PTPRN2: variants seen among roughly 807,000 people sequenced by gnomAD.
PTPRN2 encodes protein tyrosine phosphatase receptor type N2.
In PTPRN2, 74 loss-of-function variants were observed where a neutral mutation model predicts 118.8. The ratio of observed to expected loss-of-function variants is 0.62; its 90% confidence interval spans 0.52 to 0.76. The LOEUF (loss-of-function observed/expected upper bound fraction) is 0.76, where lower values mean the gene tolerates loss of function less well. Ranked by LOEUF, PTPRN2 falls within the 30% of genes least tolerant of loss-of-function variation. The probability of loss-of-function intolerance (pLI) is 0.00; values close to 1 mark genes in which losing one functional copy is unlikely to be tolerated. For missense variants in PTPRN2, 1,481 were observed against 1,394.4 expected (o/e 1.06, Z -0.99); for synonymous variants, 641 against 608.0 (o/e 1.05, Z -0.80).
chr7:157,710,004 G>T (rs1798522287), intron 12 of PTPRN2, among the ~76,000 whole-genome samples: 1 of 152,160 alleles, frequency 6.6e-6, no homozygotes, highest in Non-Finnish European at 1.5e-5. Context: ...GGAGCGTGAG[G>T]CATACAGAGG....
At chr7:158,394,425 T>G (rs1355085453) in intron 2 of PTPRN2, among the ~76,000 whole-genome samples, 1 of 152,206 alleles carries the variant, frequency 6.6e-6, no homozygotes, top group Non-Finnish European at 1.5e-5. Flanking sequence ...CCTGTGGAAC[T>G]GCTGTCCCAG....
intron 11 of PTPRN2, among the ~76,000 whole-genome samples, chr7:157,914,263 G>A (rs1448848712): frequency 6.6e-6 from 1 of 152,018 alleles, no homozygotes; most frequent in African/African-American, 2.4e-5. Flanking sequence ...CTCTGTCTTT[G>A]AGATTCTCCA....
chr7:157,659,393 T>TG (rs1323236834), intron 13 of PTPRN2, among the ~76,000 whole-genome samples: 1 of 29,802 alleles, frequency 3.4e-5, no homozygotes, highest in East Asian at 1.1e-3. Context: ...GCCGCGGGGA[T>TG]GGGGGGGATG....
Position 157,987,098 on chromosome 7 carries a change from C to T in PTPRN2, c.1724-88361G>A, listed in dbSNP as rs1194349134. ...TCCACCAGCCAGTGGGGAATGAGCC[C>T]GTGAAGGTCACAGCCAGCCATGAAA... On this transcript the variant is annotated intron_variant, in intron 11 of 22. Transcript: ENST00000389418. This position sits in a 1 kb window ranked among gnomAD's most constrained non-coding sequence, Gnocchi z 4.3. Among the ~76,000 whole-genome samples the T allele has an allele frequency of 6.6e-6, 1 of 152,144 alleles. No homozygotes were observed. Among genetic ancestry groups the T allele is most frequent in the Admixed American group, 6.5e-5 (1 of 15,280 alleles).
chr7:158,365,642 C>A (rs1809378621), intron 2 of PTPRN2, among the ~76,000 whole-genome samples: 2 of 144,110 alleles, frequency 1.4e-5, no homozygotes, highest in African/African-American at 5.9e-5. Context: ...GGAGAAGCCG[C>A]AGCCCAATGC....
intron 11 of PTPRN2, among the ~76,000 whole-genome samples, chr7:157,982,699 G>T (rs867136704): frequency 8.1e-6 from 1 of 124,030 alleles, no homozygotes; most frequent in South Asian, 2.8e-4. Context: ...GGAGGGGAAT[G>T]CAGAGTACCG....
intron 2 of PTPRN2, among the ~76,000 whole-genome samples, chr7:158,484,740 C>G (rs12333807): frequency 0.19 from 29,193 of 152,074 alleles, 3,251 homozygotes; most frequent in East Asian, 0.41. Flanking sequence ...ACGGCGATTC[C>G]CAGGTTCCTC....
intron 11 of PTPRN2, among the ~76,000 whole-genome samples, chr7:157,936,113 T>C (rs1470707007): frequency 2.0e-5 from 3 of 152,226 alleles, no homozygotes; most frequent in Non-Finnish European, 4.4e-5. Flanking sequence ...ATCGTAGGTG[T>C]ATGACTACAG....
In PTPRN2 at chr7:157,762,985, C is replaced by T. The variant is rs574529852; in HGVS notation, c.1789-80048G>A. Among the ~76,000 whole-genome samples the T allele has an allele frequency of 1.6e-4, 25 of 152,078 alleles. No homozygotes were observed. The South Asian group carries it at 2.5e-3, about 15-fold the overall frequency. On this transcript the variant is annotated intron_variant, in intron 12 of 22. Coordinates refer to ENST00000389418, the MANE Select transcript of PTPRN2 (RefSeq NM_002847.5). ...GAGCCCACAGCCGCCCACTCACGGT[C>T]GGTCACAGGGCTAACCCTCCATCAG...
intron 12 of PTPRN2, among the ~76,000 whole-genome samples, chr7:157,700,745 C>T (rs1048861124): frequency 1.3e-5 from 2 of 152,146 alleles, no homozygotes; most frequent in African/African-American, 4.8e-5. Context: ...ACCAAGGACA[C>T]ACAGGGGCGC....
At chr7:157,561,025 C>T (rs1799160882) in intron 21 of PTPRN2, among the ~76,000 whole-genome samples, 1 of 152,216 alleles carries the variant, frequency 6.6e-6, no homozygotes, top group African/African-American at 2.4e-5. Flanking sequence ...GGCCCCGTGG[C>T]TGAGCTGGCC....
intron 1 of PTPRN2, among the ~76,000 whole-genome samples, chr7:158,521,631 T>G (rs1260782975): frequency 2.0e-5 from 2 of 98,988 alleles, no homozygotes; most frequent in African/African-American, 5.1e-5. Flanking sequence ...AGGAGGGAGG[T>G]CCACGTCACA....
intron 2 of PTPRN2, among the ~76,000 whole-genome samples, chr7:158,421,644 G>C (rs896931942): frequency 7.2e-5 from 11 of 152,106 alleles, no homozygotes; most frequent in Non-Finnish European, 1.6e-4. Flanking sequence ...TGTTTGATTT[G>C]AAACACAAAA....
At chr7:158,425,324 C>G (rs1815638708) in intron 2 of PTPRN2, among the ~76,000 whole-genome samples, 1 of 118,816 alleles carries the variant, frequency 8.4e-6, no homozygotes, top group African/African-American at 3.7e-5. Flanking sequence ...GAGTCCGAGA[C>G]CAGCCTAGCT....
intron 2 of PTPRN2, among the ~76,000 whole-genome samples, chr7:158,355,438 CCT>C (rs1451661039): frequency 3.3e-5 from 5 of 152,194 alleles, no homozygotes. Flanking sequence ...ACATTGCCTG[CCT>C]CTCTCTCACT....
intron 2 of PTPRN2, among the ~76,000 whole-genome samples, chr7:158,454,990 C>T (rs541886820): frequency 3.9e-5 from 6 of 152,294 alleles, no homozygotes; most frequent in South Asian, 2.1e-4. Context: ...AGCAAACACA[C>T]GCTCCACTTG....
At chr7:158,577,570 C>T (rs1828407166) in intron 1 of PTPRN2, among the ~76,000 whole-genome samples, 2 of 149,388 alleles carry the variant, frequency 1.3e-5, no homozygotes, top group Admixed American at 1.3e-4. Context: ...CTCCCGAATG[C>T]CACAGACAGC....
chr7:157,985,630 C>A (rs1222066820), intron 11 of PTPRN2, among the ~76,000 whole-genome samples: 1 of 152,200 alleles, frequency 6.6e-6, no homozygotes, highest in Admixed American at 6.5e-5. Context: ...GATTCAGGCC[C>A]CCCTCAGATC....
intron 11 of PTPRN2, among the ~76,000 whole-genome samples, chr7:157,989,848 T>C (rs1205432735): frequency 6.6e-6 from 1 of 152,080 alleles, no homozygotes; most frequent in Non-Finnish European, 1.5e-5. Flanking sequence ...GCCTGCTGGC[T>C]GTGTTCCTTC....
Sources: gnomAD v4.1 joint callset for allele counts (sites outside exome capture counted in the v4.1 genomes callset) on GRCh38, gnomAD v4.1.1 for gene constraint, Gnocchi (gnomAD v3.1) non-coding constraint, MANE v1.5 for transcripts, NCBI Gene and HGNC (gene_info 2026-07-23, HGNC 2026-07-21) for gene names.